Variants in DAB1 observed in about 807,000 individuals in gnomAD.
DAB1 encodes DAB adaptor protein 1, also known as disabled homolog 1.
A neutral mutation model predicts 64.6 loss-of-function variants in DAB1; 15 were observed. The ratio of observed to expected loss-of-function variants is 0.23; its 90% CI spans 0.16 to 0.36. DAB1 has a LOEUF of 0.36. Ranked by LOEUF, DAB1 falls within the 10% of genes least tolerant of loss-of-function variation. DAB1 has a pLI of 1.00. For synonymous variants in DAB1, 235 were observed against 251.9 expected (o/e 0.93, Z 0.64); for missense variants, 596 against 706.7 (o/e 0.84, Z 1.78).
intron 7 of DAB1, among the ~76,000 whole-genome samples, chr1:57,446,652 A>G (rs1193114659): frequency 1.3e-5 from 2 of 152,086 alleles, no homozygotes; most frequent in African/African-American, 4.8e-5. Context: ...GGAACCCAGA[A>G]GTTTGTTTAG....
At chr1:58,429,642 G>A (rs575228449) in intron 3 of DAB1, among the ~76,000 whole-genome samples, 1 of 152,290 alleles carries the variant, frequency 6.6e-6, no homozygotes, top group Admixed American at 6.5e-5. Context: ...TAGATAGAGA[G>A]AGAGAAAGCA....
chr1:57,086,132 A>C (rs1653051765), intron 4 of DAB1, among the ~76,000 whole-genome samples: 2 of 152,104 alleles, frequency 1.3e-5, no homozygotes, highest in African/African-American at 4.8e-5. Flanking sequence ...CAGTTTAAAA[A>C]ACTGGAGTGG....
intron 4 of DAB1, among the ~76,000 whole-genome samples, chr1:57,096,865 A>G (rs1654213943): frequency 6.6e-6 from 1 of 152,134 alleles, no homozygotes; most frequent in Non-Finnish European, 1.5e-5. Context: ...CTATTCATCC[A>G]CCAAGGCTCA....
chr1:58,293,497 C>T (rs922032177), intron 4 of DAB1, among the ~76,000 whole-genome samples: 1 of 152,186 alleles, frequency 6.6e-6, no homozygotes, highest in Admixed American at 6.5e-5. Flanking sequence ...GAGAAAATAA[C>T]CCAGTAGAGT....
At position 57,042,052 on chromosome 1, in the gene DAB1, A is replaced by G. The variant is rs140547159; in HGVS notation, c.724-16009T>C. Among the ~76,000 whole-genome samples, 290 of 152,288 alleles carry G rather than the reference A, an allele frequency of 1.9e-3. 2 individuals carry two copies. The highest frequency in any genetic ancestry group is 6.7e-3 in the African/African-American group (279 of 41,566). ...ATCATAAGTCAGAGCAGAGAAACCT[A>G]GCTCACATTTTGTAACAAGGAAACA... On this transcript the variant is annotated intron_variant, in intron 9 of 14. Transcript: ENST00000371236.
At chr1:57,761,471 G>A (rs1203944803) in intron 6 of DAB1, among the ~76,000 whole-genome samples, 2 of 152,144 alleles carry the variant, frequency 1.3e-5, no homozygotes, top group South Asian at 2.1e-4. Flanking sequence ...TGGATTTGAC[G>A]ATCTTTACAA....
chr1:58,315,515 G>GT (rs1355876713), intron 4 of DAB1, among the ~76,000 whole-genome samples: 1 of 152,178 alleles, frequency 6.6e-6, no homozygotes, highest in Non-Finnish European at 1.5e-5. Context: ...GGGTGCTGGG[G>GT]TGCAGGAGGA....
intron 2 of DAB1, among the ~76,000 whole-genome samples, chr1:57,224,659 G>A (rs1171414277): frequency 6.6e-6 from 1 of 152,194 alleles, no homozygotes; most frequent in African/African-American, 2.4e-5. Flanking sequence ...CCTGGTTAAC[G>A]TAATCACTGT....
intron 6 of DAB1, among the ~76,000 whole-genome samples, chr1:57,800,912 T>C (rs186628982): frequency 6.6e-6 from 1 of 152,334 alleles, no homozygotes; most frequent in Admixed American, 6.5e-5. Context: ...GATTCATTCA[T>C]TTATTCATCT....
intron 7 of DAB1, among the ~76,000 whole-genome samples, chr1:57,482,790 A>T (rs1644039866): frequency 6.6e-6 from 1 of 152,216 alleles, no homozygotes; most frequent in African/African-American, 2.4e-5. Flanking sequence ...TAAATTAAGC[A>T]TGGTGGATTT....
chr1:57,553,586 A>G (rs1008557805), intron 7 of DAB1, among the ~76,000 whole-genome samples: 2 of 151,914 alleles, frequency 1.3e-5, no homozygotes, highest in Non-Finnish European at 2.9e-5. Context: ...TCAGCAAATC[A>G]CTTGAGCCCA....
chr1:58,241,979 T>A (rs1047676755), intron 4 of DAB1, among the ~76,000 whole-genome samples: 1 of 152,078 alleles, frequency 6.6e-6, no homozygotes, highest in Non-Finnish European at 1.5e-5. Flanking sequence ...AATCTACCCA[T>A]AAAAGTTAAA....
At position 58,484,280 on chromosome 1, in the gene DAB1, T is replaced by C. The variant is rs1406116368; in HGVS notation, n.257+21780A>G. ...ATTACCCTGCTATAAAAACTTTTCT[T>C]TAAAAAAATCTTTTCTCACCTCCAT... On this transcript the variant is annotated intron_variant and non_coding_transcript_variant, in intron 3 of 20. Coordinates refer to the DAB1 transcript ENST00000485760. Among the ~76,000 whole-genome samples the C allele has an allele frequency of 6.6e-5, 10 of 152,300 alleles. 1 individual carries two copies. Among genetic ancestry groups the C allele is most frequent in the African/African-American group, 2.4e-4 (10 of 41,576 alleles).
chr1:57,777,922 C>T (rs1649892648), intron 6 of DAB1, among the ~76,000 whole-genome samples: 2 of 152,034 alleles, frequency 1.3e-5, no homozygotes, highest in African/African-American at 4.8e-5. Context: ...TTCATTTTGG[C>T]AGTTTCTTTC....
At chr1:57,692,552 G>A (rs1646776933) in intron 6 of DAB1, among the ~76,000 whole-genome samples, 1 of 152,084 alleles carries the variant, frequency 6.6e-6, no homozygotes, top group South Asian at 2.1e-4. Flanking sequence ...AAGTCAAAGA[G>A]AAAGAGAGAT....
At chr1:57,968,112 G>T (rs915446873) in intron 5 of DAB1, among the ~76,000 whole-genome samples, 1 of 151,944 alleles carries the variant, frequency 6.6e-6, no homozygotes, top group African/African-American at 2.4e-5. Context: ...ATGTGTGTGT[G>T]TGTGAATCTT....
chr1:58,343,189 G>A (rs1643959127), intron 4 of DAB1, among the ~76,000 whole-genome samples: 1 of 151,970 alleles, frequency 6.6e-6, no homozygotes. Context: ...GTAGCTGCTA[G>A]AGTTTTCTCT....
At chr1:57,566,811 GA>G (rs1645127951) in intron 7 of DAB1, among the ~76,000 whole-genome samples, 1 of 152,084 alleles carries the variant, frequency 6.6e-6, no homozygotes, top group Admixed American at 6.6e-5. Context: ...AAAAGTCCAG[GA>G]CCAGACGAAT....
intron 1 of DAB1, chr1:57,860,692 G>A (rs1341571394): frequency 6.6e-6 from 1 of 152,190 alleles, no homozygotes; most frequent in Admixed American, 6.5e-5. Flanking sequence ...TAGGATCTAA[G>A]GGGCCAACAG....
Sources: gnomAD v4.1 joint callset for allele counts (sites outside exome capture counted in the v4.1 genomes callset) on GRCh38, gnomAD v4.1.1 for gene constraint, MANE v1.5 for transcripts, NCBI Gene and HGNC (gene_info 2026-07-23, HGNC 2026-07-21) for gene names.